Variants in ROBO1 observed in about 807,000 individuals in gnomAD.
ROBO1 encodes the protein roundabout guidance receptor 1, also known as roundabout homolog 1.
Under a neutral mutation model 195.9 loss-of-function variants are expected in ROBO1, and 149 were observed. The observed-to-expected ratio is 0.76, with a 90% CI of 0.67 to 0.87. The LOEUF is 0.87. Ranked by LOEUF, ROBO1 falls within the 40% of genes least tolerant of loss-of-function variation. The pLI is 0.00. For synonymous variants in ROBO1, 816 were observed against 733.2 expected (o/e 1.11, Z -1.82); for missense variants, 1,933 against 2,068.3 (o/e 0.93, Z 1.27).
At chr3:79,031,319 T>C (rs540060852) in intron 3 of ROBO1, among the ~76,000 whole-genome samples, 1 of 152,176 alleles carries the variant, frequency 6.6e-6, no homozygotes, top group East Asian at 1.9e-4. Context: ...TATATATGTG[T>C]ACTTTGAGAT....
chr3:79,369,944 T>C (rs773977792), intron 2 of ROBO1, among the ~76,000 whole-genome samples: 5 of 152,210 alleles, frequency 3.3e-5, no homozygotes, highest in Non-Finnish European at 7.4e-5. Context: ...TAAGACCTGA[T>C]AGAAGTGAGA....
chr3:78,926,213 G>A (rs530706549), intron 4 of ROBO1, among the ~76,000 whole-genome samples: 1 of 152,222 alleles, frequency 6.6e-6, no homozygotes, highest in Admixed American at 6.5e-5. Context: ...TTGAATTCTA[G>A]GCCACAATGC....
At chr3:78,714,674 G>T in intron 7 of ROBO1, 150 bp from the exon 8 acceptor site, 1 of 614,518 alleles carries the variant, frequency 1.6e-6, no homozygotes, top group Non-Finnish European at 2.5e-6. Flanking sequence ...AAGTCAGCTG[G>T]CAGAAGAAAA....
intron 4 of ROBO1, among the ~76,000 whole-genome samples, chr3:78,800,742 T>A (rs1349505994): frequency 6.6e-6 from 1 of 152,030 alleles, no homozygotes; most frequent in Non-Finnish European, 1.5e-5. Context: ...TTTTTTGTAT[T>A]TTTAATAGAG....
chr3:79,189,264 A>G (rs2081496587), intron 2 of ROBO1, among the ~76,000 whole-genome samples: 1 of 151,900 alleles, frequency 6.6e-6, no homozygotes, highest in Non-Finnish European at 1.5e-5. Context: ...ATCTCAAGTA[A>G]ATTTTAAAAT....
In ROBO1 at chr3:78,769,623, T is replaced by G. The variant is rs1372957390; in HGVS notation, c.500-22723A>C. ...TTTGTTGCCAGTGTACTTTGGTTTT[T>G]TTTTTTTTTTTTTTTGCTTTTTAAA... On this transcript the variant is annotated intron_variant, in intron 4 of 30. Coordinates refer to ENST00000464233, the MANE Select transcript of ROBO1 (RefSeq NM_002941.4). Among the ~76,000 whole-genome samples, 5 of 150,690 alleles carry G rather than the reference T, an allele frequency of 3.3e-5. No homozygotes were observed. The South Asian group carries it at 1.0e-3, about 31-fold the overall frequency.
chr3:79,395,364 G>GAA (rs960623526), intron 2 of ROBO1, among the ~76,000 whole-genome samples: 9 of 129,892 alleles, frequency 6.9e-5, no homozygotes, highest in Admixed American at 3.8e-4. Context: ...AAGAAAGAAA[G>GAA]AACATTTCAG....
intron 2 of ROBO1, among the ~76,000 whole-genome samples, chr3:79,289,743 C>T (rs560890274): frequency 1.3e-5 from 2 of 152,246 alleles, no homozygotes; most frequent in East Asian, 3.9e-4. Context: ...GATAACATTT[C>T]CAGAACCACA....
intron 2 of ROBO1, among the ~76,000 whole-genome samples, chr3:79,356,277 G>T (rs1177457293): frequency 6.6e-6 from 1 of 152,184 alleles, no homozygotes; most frequent in Admixed American, 6.5e-5. Flanking sequence ...GGAGGTGGAG[G>T]TTGCAGTGGG....
chr3:78,717,427 G>C lies in ROBO1; in HGVS notation c.779-14C>G, dbSNP rs748494890. 6 of 1,612,330 alleles carry C rather than the reference G, an allele frequency of 3.7e-6. No individual in the cohort carries two copies. The highest frequency in any genetic ancestry group is 1.7e-4 in the Middle Eastern group (1 of 6,048). On this transcript the variant is annotated splice_polypyrimidine_tract_variant and intron_variant, in intron 6 of 30. Coordinates refer to ENST00000464233, the MANE Select transcript of ROBO1 (RefSeq NM_002941.4). ...ATGATGGTCTCTCTAAAATTAAAAAGAGTCATCTTAAGGTAAAATTTTAAA... is the reference window on the plus strand; with the variant it reads ...ATGATGGTCTCTCTAAAATTAAAAACAGTCATCTTAAGGTAAAATTTTAAA...
chr3:79,514,002 T>C (rs914107184), intron 2 of ROBO1, among the ~76,000 whole-genome samples: 1 of 152,210 alleles, frequency 6.6e-6, no homozygotes, highest in African/African-American at 2.4e-5. Context: ...TGACAACAAC[T>C]GTGATTGAAA....
intron 2 of ROBO1, among the ~76,000 whole-genome samples, chr3:79,463,005 T>C (rs1329454787): frequency 6.6e-6 from 1 of 152,236 alleles, no homozygotes; most frequent in African/African-American, 2.4e-5. Flanking sequence ...GTTCATGTTA[T>C]TTTAAGTTTG....
chr3:79,482,151 G>T (rs147920208), intron 2 of ROBO1, among the ~76,000 whole-genome samples: 73 of 152,298 alleles, frequency 4.8e-4, no homozygotes, highest in African/African-American at 1.7e-3. Flanking sequence ...AGTATGATAA[G>T]CAAAACTATG....
At chr3:79,174,231 C>A (rs1288126148) in intron 2 of ROBO1, among the ~76,000 whole-genome samples, 1 of 152,078 alleles carries the variant, frequency 6.6e-6, no homozygotes, top group Non-Finnish European at 1.5e-5. Context: ...CTGTAACACT[C>A]ACTGCGAAGG....
chr3:79,183,824 T>C (rs953421149), intron 2 of ROBO1, among the ~76,000 whole-genome samples: 7 of 152,176 alleles, frequency 4.6e-5, no homozygotes, highest in Non-Finnish European at 8.8e-5. Flanking sequence ...ATTAGAGATA[T>C]AACATTAGTG....
At chr3:79,302,644 G>A (rs867442118) in intron 2 of ROBO1, among the ~76,000 whole-genome samples, 1 of 151,974 alleles carries the variant, frequency 6.6e-6, no homozygotes, top group Non-Finnish European at 1.5e-5. Flanking sequence ...CTAAAAAATC[G>A]TTGTTTTAAA....
intron 4 of ROBO1, among the ~76,000 whole-genome samples, chr3:78,748,553 C>T (rs967725063): frequency 1.1e-4 from 16 of 152,052 alleles, no homozygotes; most frequent in African/African-American, 3.9e-4. Context: ...TCTTTCCATT[C>T]CACTGGCATT....
chr3:78,979,606 C>A (rs1200173279), intron 3 of ROBO1, among the ~76,000 whole-genome samples: 1 of 152,084 alleles, frequency 6.6e-6, no homozygotes, highest in African/African-American at 2.4e-5. Context: ...ACTGTTTTTC[C>A]TGACACTGTT....
chr3:79,550,168 G>GAAAGAAAGAAAGAAAGAAAGAA, intron 2 of ROBO1, among the ~76,000 whole-genome samples: 1 of 96,870 alleles, frequency 1.0e-5, no homozygotes, highest in Non-Finnish European at 2.1e-5. Context: ...AGAAAGAAAG[G>GAAAGAAAGAAAGAAAGAAAGAA]AAGAAAGAAA....
Sources: gnomAD v4.1 joint callset for allele counts (sites outside exome capture counted in the v4.1 genomes callset) on GRCh38, gnomAD v4.1.1 for gene constraint, MANE v1.5 for transcripts, NCBI Gene and HGNC (gene_info 2026-07-23, HGNC 2026-07-21) for gene names.